The following VPS13B variants were observed in gnomAD, a reference collection of about 807,000 sequenced individuals.
VPS13B encodes intermembrane lipid transfer protein VPS13B.
In VPS13B, 285 loss-of-function variants were observed where a neutral mutation model predicts 426.4. The ratio of observed to expected loss-of-function variants is 0.67; its 90% CI spans 0.61 to 0.74. The LOEUF (loss-of-function observed/expected upper bound fraction) is 0.74. VPS13B is among the 30% of genes least tolerant of loss of function. The pLI is 0.00. For missense variants in VPS13B, 4,537 were observed against 4,782.6 expected, an observed-to-expected ratio of 0.95 and a Z score of 1.51; for synonymous variants, 1,676 against 1,676.4, an observed-to-expected ratio of 1.00 and a Z score of 0.01.
At chr8:99,025,621 A>G (rs1842096223) in intron 2 of VPS13B, among the ~76,000 whole-genome samples, 1 of 152,148 alleles carries the variant, frequency 6.6e-6, no homozygotes, top group African/African-American at 2.4e-5. Flanking sequence ...TTTTTGGAAT[A>G]GTTTGAGAAG....
intron 17 of VPS13B, among the ~76,000 whole-genome samples, chr8:99,217,445 T>G (rs1319208815): frequency 6.6e-6 from 1 of 152,228 alleles, no homozygotes; most frequent in Non-Finnish European, 1.5e-5. Flanking sequence ...GATTCAGAGA[T>G]AATTTACTTT....
intron 39 of VPS13B, among the ~76,000 whole-genome samples, chr8:99,738,061 C>T (rs547138948): frequency 2.6e-5 from 4 of 152,326 alleles, no homozygotes; most frequent in Middle Eastern, 3.4e-3. Flanking sequence ...TCAAAGGACT[C>T]GTTATCACTA....
Position 99,835,329 on chromosome 8 carries a change from G to T in VPS13B, c.9742+5G>T. The T allele has an allele frequency of 6.2e-7, 1 of 1,608,468 alleles. No individual in the cohort carries two copies. Among genetic ancestry groups the T allele is most frequent in the Non-Finnish European group, 8.5e-7 (1 of 1,175,172 alleles). Reference sequence around the variant, plus strand: ...TTATAAAGGAAAACATTAAAGGTATGTTTTATACTATCGAATTTAGATAAT... The same window carrying T: ...TTATAAAGGAAAACATTAAAGGTATTTTTTATACTATCGAATTTAGATAAT... On this transcript the variant is annotated splice_donor_5th_base_variant and intron_variant, in intron 53 of 61. Coordinates refer to ENST00000357162, the MANE Select transcript of VPS13B (RefSeq NM_152564.5).
At chr8:99,254,897 C>A (rs1030658682) in intron 17 of VPS13B, among the ~76,000 whole-genome samples, 10 of 152,136 alleles carry the variant, frequency 6.6e-5, no homozygotes, top group Middle Eastern at 3.2e-3. Context: ...CCCACCTTGG[C>A]CTCCCAAAGT....
chr8:99,559,072 T>G (rs1216608622), intron 31 of VPS13B, among the ~76,000 whole-genome samples: 1 of 152,334 alleles, frequency 6.6e-6, no homozygotes, highest in South Asian at 2.1e-4. Flanking sequence ...CCAGCACCTG[T>G]TGTTTCCTGA....
intron 30 of VPS13B, among the ~76,000 whole-genome samples, chr8:99,546,055 T>A (rs1042846199): frequency 6.6e-6 from 1 of 152,078 alleles, no homozygotes; most frequent in Admixed American, 6.6e-5. Flanking sequence ...TTTTTAAAAA[T>A]TCATACCTTT....
chr8:99,823,516 T>A (rs935816985), intron 50 of VPS13B, among the ~76,000 whole-genome samples: 3 of 152,174 alleles, frequency 2.0e-5, no homozygotes, highest in African/African-American at 7.2e-5. Context: ...TTTATTTACA[T>A]ATACATGCTT....
At chr8:99,629,355 A>G (rs1041336495) in intron 33 of VPS13B, among the ~76,000 whole-genome samples, 2 of 152,190 alleles carry the variant, frequency 1.3e-5, no homozygotes, top group African/African-American at 4.8e-5. Context: ...ATCTTGCCAC[A>G]TTTATGTGCA....
intron 15 of VPS13B, among the ~76,000 whole-genome samples, chr8:99,163,398 G>A (rs1047417023): frequency 1.8e-4 from 27 of 152,198 alleles, no homozygotes; most frequent in Admixed American, 7.2e-4. Flanking sequence ...CCGTGCACTC[G>A]CATTCCTCAG....
chr8:99,425,629 G>A (rs1035414232), intron 21 of VPS13B, among the ~76,000 whole-genome samples: 2 of 152,136 alleles, frequency 1.3e-5, no homozygotes, highest in African/African-American at 4.8e-5. Flanking sequence ...GGCAAAAACT[G>A]GAAGCATTCC....
intron 30 of VPS13B, among the ~76,000 whole-genome samples, chr8:99,555,953 A>T (rs913039047): frequency 6.6e-6 from 1 of 152,134 alleles, no homozygotes; most frequent in Admixed American, 6.6e-5. Flanking sequence ...CTTTCCTAAC[A>T]AGAAATCAAA....
intron 19 of VPS13B, among the ~76,000 whole-genome samples, chr8:99,299,356 C>T (rs541862990): frequency 1.3e-3 from 197 of 151,778 alleles, no homozygotes; most frequent in African/African-American, 4.4e-3. Flanking sequence ...GCCACTGTAC[C>T]CGGCCAAGTT....
chr8:99,256,361 A>G (rs1817742336), intron 17 of VPS13B, among the ~76,000 whole-genome samples: 2 of 152,202 alleles, frequency 1.3e-5, no homozygotes, highest in Admixed American at 1.3e-4. Context: ...CTATGAACAC[A>G]GGTATACAAA....
chr8:99,598,311 G>A (rs1827117675), intron 33 of VPS13B, among the ~76,000 whole-genome samples: 1 of 152,024 alleles, frequency 6.6e-6, no homozygotes, highest in Non-Finnish European at 1.5e-5. Context: ...GTATTATAAT[G>A]AGGACCTATT....
chr8:99,084,369 A>G (rs999699571), intron 3 of VPS13B, among the ~76,000 whole-genome samples: 65 of 152,018 alleles, frequency 4.3e-4, no homozygotes, highest in African/African-American at 8.9e-4. Context: ...TCTTGCTAGC[A>G]GTCTATCAAT....
At chr8:99,424,996 C>T (rs1472704396) in intron 21 of VPS13B, among the ~76,000 whole-genome samples, 1 of 152,060 alleles carries the variant, frequency 6.6e-6, no homozygotes, top group African/African-American at 2.4e-5. Flanking sequence ...ACACATACAC[C>T]CTTCCAAGTC....
chr8:99,778,925 T>G lies in VPS13B; in HGVS notation c.7673T>G (p.Val2558Gly). 1 of 1,613,960 alleles carries G rather than the reference T, an allele frequency of 6.2e-7. No homozygotes were observed. The highest frequency in any genetic ancestry group is 2.2e-5 in the East Asian group (1 of 44,854). Reference protein sequence around the residue: ...IFGQMAVSSDVVEKLLDCTVI... With the variant: ...IFGQMAVSSDGVEKLLDCTVI... ...GGGCAGATGGCAGTTTCCAGCGATG[T>G]AGTGGAAAAGCTGCTTGACTGCACC... is the stretch of plus-strand genomic sequence containing the variant. The change falls in exon 42 of 62, where the codon GTA becomes GGA. Residue 2558 changes from valine to glycine, a missense_variant. Val to Gly is a moderately radical substitution (Grantham distance 109). This residue lies in a region of VPS13B where 4,311 missense variants were observed against 4,474.3 expected (regional missense o/e 0.96). Coordinates refer to ENST00000357162, the MANE Select transcript of VPS13B (RefSeq NM_152564.5).
At chr8:99,665,260 C>T (rs200899322) in intron 35 of VPS13B, among the ~76,000 whole-genome samples, 11 of 152,192 alleles carry the variant, frequency 7.2e-5, no homozygotes, top group South Asian at 2.1e-4. Flanking sequence ...TTCTCCCATT[C>T]TGTAGGTTGC....
rs1428137006 is a variant in VPS13B at position 99,013,890 on chromosome 8, C to G, written c.102C>G (p.Asp34Glu). ...SDLQLSLWGG[D>E]VVLSKLELKL... ...TACAGCTTTCACTATGGGGTGGAGA[C>G]GTGGTACTCAGCAAGCTCGAGTTAA... Residue 34 changes from aspartate (D) to glutamate (E), a missense_variant, in exon 2 of 62, where the codon GAC (aspartate) becomes GAG (glutamate). By Grantham distance (45) the Asp-to-Glu change is conservative. Coordinates refer to ENST00000357162, the MANE Select transcript of VPS13B (RefSeq NM_152564.5). 1.9e-6 allele frequency: 3 copies of G among 1,613,962 alleles called. No homozygotes were observed. Among genetic ancestry groups the G allele is most frequent in the East Asian group, 2.2e-5 (1 of 44,874 alleles).
Sources: allele counts gnomAD v4.1 joint callset (sites outside exome capture counted in the v4.1 genomes callset), GRCh38; gene constraint gnomAD v4.1.1; regional missense constraint gnomAD v4.1.1; transcripts MANE v1.5; gene names NCBI Gene and HGNC (gene_info 2026-07-23, HGNC 2026-07-21).